PARD3: variants seen among roughly 807,000 people sequenced by gnomAD.
PARD3 encodes partitioning defective 3 homolog.
PARD3 carries 75 observed loss-of-function variants against 155.4 expected under a neutral mutation model. The ratio of observed to expected loss-of-function variants is 0.48; its 90% CI spans 0.40 to 0.58. PARD3 has a LOEUF of 0.58. Among genes scored for constraint, PARD3 ranks in the 20% least tolerant of loss-of-function variants. PARD3 has a pLI of 0.00. For missense variants in PARD3, 1,642 were observed against 1,721.7 expected, an observed-to-expected ratio of 0.95 and a Z score of 0.82; for synonymous variants, 576 against 610.5, an observed-to-expected ratio of 0.94 and a Z score of 0.83.
intron 3 of PARD3, among the ~76,000 whole-genome samples, chr10:34,495,852 G>A (rs929187147): frequency 1.7e-4 from 26 of 150,144 alleles, no homozygotes; most frequent in African/African-American, 6.1e-4. Context: ...AAAAAAAACA[G>A]TAAACATGAA....
At chr10:34,660,798 G>A (rs771093040) in intron 2 of PARD3, among the ~76,000 whole-genome samples, 2 of 152,148 alleles carry the variant, frequency 1.3e-5, no homozygotes, top group Middle Eastern at 3.4e-3. Flanking sequence ...AAGAATGCAA[G>A]GAACTAAGGC....
At chr10:34,788,827 C>T (rs918529741) in intron 1 of PARD3, among the ~76,000 whole-genome samples, 1 of 152,128 alleles carries the variant, frequency 6.6e-6, no homozygotes, top group Admixed American at 6.5e-5. Flanking sequence ...AGTGGCAGCA[C>T]CATCACCTAC....
intron 22 of PARD3, among the ~76,000 whole-genome samples, chr10:34,249,073 C>T (rs1954136427): frequency 6.6e-6 from 1 of 152,036 alleles, no homozygotes; most frequent in South Asian, 2.1e-4. Flanking sequence ...GTAAGGGAGA[C>T]CAGCATTACG....
chr10:34,612,499 C>T (rs557045950), intron 2 of PARD3, among the ~76,000 whole-genome samples: 37 of 152,208 alleles, frequency 2.4e-4, no homozygotes, highest in Non-Finnish European at 3.4e-4. Context: ...TCGATATGGA[C>T]GTGTAAGATG....
chr10:34,331,618 T>C (rs1564594942), intron 18 of PARD3, among the ~76,000 whole-genome samples: 1 of 152,186 alleles, frequency 6.6e-6, no homozygotes, highest in African/African-American at 2.4e-5. Context: ...GAAATTGTTG[T>C]CAAATCGTTT....
intron 23 of PARD3, among the ~76,000 whole-genome samples, chr10:34,125,755 T>G (rs563739254): frequency 6.6e-6 from 1 of 152,180 alleles, no homozygotes; most frequent in Non-Finnish European, 1.5e-5. Flanking sequence ...GAAGAGGATA[T>G]TCACATTGCA....
intron 3 of PARD3, among the ~76,000 whole-genome samples, chr10:34,495,821 A>G (rs758433094): frequency 1.4e-5 from 2 of 141,682 alleles, no homozygotes; most frequent in African/African-American, 3.1e-5. Context: ...GTTCTTAATG[A>G]TATCTTTTAA....
intron 9 of PARD3, among the ~76,000 whole-genome samples, chr10:34,379,060 T>C (rs1841558014): frequency 6.6e-6 from 1 of 152,166 alleles, no homozygotes; most frequent in South Asian, 2.1e-4. Context: ...TTTAAAAAGT[T>C]ACTTCTTAAG....
intron 1 of PARD3, among the ~76,000 whole-genome samples, chr10:34,731,703 C>T (rs2094821205): frequency 6.6e-6 from 1 of 152,178 alleles, no homozygotes; most frequent in Admixed American, 6.6e-5. Flanking sequence ...ATAGCAATAT[C>T]CAACATTCCC....
At chr10:34,438,094 G>T (rs536800604) in intron 5 of PARD3, among the ~76,000 whole-genome samples, 24 of 152,252 alleles carry the variant, frequency 1.6e-4, no homozygotes, top group South Asian at 1.0e-3. Context: ...TGTGATCAGC[G>T]GTGATACAGC....
At chr10:34,224,979 A>G (rs925886006) in intron 22 of PARD3, among the ~76,000 whole-genome samples, 1 of 152,210 alleles carries the variant, frequency 6.6e-6, no homozygotes, top group African/African-American at 2.4e-5. Flanking sequence ...TTGTTGTTTC[A>G]AATGCTTGAC....
At chr10:34,701,471 A>G (rs1371238381) in intron 1 of PARD3, among the ~76,000 whole-genome samples, 12 of 152,082 alleles carry the variant, frequency 7.9e-5, no homozygotes, top group Non-Finnish European at 1.3e-4. Flanking sequence ...GAGGCGACAC[A>G]TTTTGCAGAA....
chr10:34,356,698 T>G (rs1441155745), intron 14 of PARD3, among the ~76,000 whole-genome samples: 1 of 152,210 alleles, frequency 6.6e-6, no homozygotes, highest in East Asian at 1.9e-4. Flanking sequence ...CCTCCCAGTG[T>G]GCAAAGGAGA....
intron 22 of PARD3, among the ~76,000 whole-genome samples, chr10:34,164,841 G>A (rs905846014): frequency 3.9e-5 from 6 of 152,098 alleles, no homozygotes; most frequent in African/African-American, 1.4e-4. Context: ...GTCATTTTGG[G>A]GATGAGCGAA....
At chr10:34,700,473 A>G (rs12258113) in intron 1 of PARD3, among the ~76,000 whole-genome samples, 2,919 of 152,350 alleles carry the variant, frequency 0.019, 98 homozygotes, top group African/African-American at 0.066. Context: ...GCAAATTTCA[A>G]GAAAAGTATC....
intron 1 of PARD3, among the ~76,000 whole-genome samples, chr10:34,799,482 T>C (rs556317346): frequency 1.6e-4 from 24 of 152,286 alleles, no homozygotes; most frequent in Non-Finnish European, 3.2e-4. Flanking sequence ...GCCATGCACC[T>C]TTTTTACCCT....
intron 14 of PARD3, among the ~76,000 whole-genome samples, chr10:34,351,471 A>T (rs76939137): frequency 0.04 from 6,092 of 152,330 alleles, 400 homozygotes; most frequent in African/African-American, 0.14. Context: ...TCTGGAAAAT[A>T]TTAGCTTCCA....
At chr10:34,519,864 ACATAACAT>A (rs1357521725) in intron 2 of PARD3, among the ~76,000 whole-genome samples, 2 of 151,070 alleles carry the variant, frequency 1.3e-5, no homozygotes, top group Non-Finnish European at 2.9e-5. Context: ...ACATAACATA[ACATAACAT>A]AACATAACAT....
chr10:34,554,580 C>CA (rs1405852409), intron 2 of PARD3, among the ~76,000 whole-genome samples: 1 of 152,080 alleles, frequency 6.6e-6, no homozygotes, highest in African/African-American at 2.4e-5. Flanking sequence ...TCTCATAACT[C>CA]AAAGACTTTA....
Sources: gnomAD v4.1 joint callset for allele counts (sites outside exome capture counted in the v4.1 genomes callset) on GRCh38, gnomAD v4.1.1 for gene constraint, MANE v1.5 for transcripts, NCBI Gene and HGNC (gene_info 2026-07-23, HGNC 2026-07-21) for gene names.